SLC38A12: variants seen among roughly 807,000 people sequenced by gnomAD.
SLC38A12 encodes solute carrier family 38 member 12.
chr17:74,805,162 G>C, the SLC38A12 span, among the ~76,000 whole-genome samples: 60 of 152,376 alleles, frequency 3.9e-4, no homozygotes, highest in Middle Eastern at 3.4e-3. This position sits in a 1 kb window ranked among gnomAD's most constrained non-coding sequence, Gnocchi z 5.0. Flanking sequence ...GTCTCCCGGG[G>C]AGAGGCCTAC....
chr17:74,810,584 CT>C, the SLC38A12 span, among the ~76,000 whole-genome samples: 1,011 of 152,328 alleles, frequency 6.6e-3, 7 homozygotes, highest in Admixed American at 0.02. Flanking sequence ...AAGATTGGCA[CT>C]GTCTGTCATG....
At chr17:74,790,172 C>A in the SLC38A12 span, 2 of 1,583,092 alleles carry the variant, frequency 1.3e-6, no homozygotes, top group Non-Finnish European at 1.7e-6. Context: ...TTTCCTCCCT[C>A]CTCCTCGTCC....
chr17:74,791,096 C>G, the SLC38A12 span: 1 of 1,467,660 alleles, frequency 6.8e-7, no homozygotes, highest in Non-Finnish European at 9.5e-7. Flanking sequence ...TCCCTGCAGG[C>G]CTGCACCCTT....
At chr17:74,839,080 C>T in the SLC38A12 span, 1 of 1,535,334 alleles carries the variant, frequency 6.5e-7, no homozygotes, top group Non-Finnish European at 8.7e-7. Flanking sequence ...TCCCTCCCCA[C>T]AGAAGCACCA....
the SLC38A12 span, chr17:74,794,911 C>A: frequency 1.1e-6 from 1 of 943,790 alleles, no homozygotes; most frequent in Non-Finnish European, 1.6e-6. Flanking sequence ...GAACTGAAAG[C>A]TATGGGAGAG....
At chr17:74,819,010 C>G in the SLC38A12 span, among the ~76,000 whole-genome samples, 233 of 152,348 alleles carry the variant, frequency 1.5e-3, 2 homozygotes, top group African/African-American at 5.2e-3. Flanking sequence ...ACACTTTCCC[C>G]TGTTCTCCAA....
chr17:74,834,177 C>G, the SLC38A12 span, among the ~76,000 whole-genome samples: 1 of 152,130 alleles, frequency 6.6e-6, no homozygotes, highest in Non-Finnish European at 1.5e-5. Flanking sequence ...CTGGGCTGTC[C>G]CACAGGTGTC....
the SLC38A12 span, among the ~76,000 whole-genome samples, chr17:74,822,916 C>T: frequency 6.6e-6 from 1 of 152,226 alleles, no homozygotes; most frequent in African/African-American, 2.4e-5. Flanking sequence ...AAACTGGCAG[C>T]CCCTTTTGGG....
At chr17:74,814,116 A>G in the SLC38A12 span, among the ~76,000 whole-genome samples, 1 of 152,218 alleles carries the variant, frequency 6.6e-6, no homozygotes, top group South Asian at 2.1e-4. Flanking sequence ...ACTTTAGGTG[A>G]AGATGTCTTC....
the SLC38A12 span, among the ~76,000 whole-genome samples, chr17:74,784,547 G>A: frequency 6.6e-6 from 1 of 152,104 alleles, no homozygotes; most frequent in African/African-American, 2.4e-5. Flanking sequence ...TGTGCTTGGT[G>A]GAGCCTGCCG....
chr17:74,785,432 G>T, the SLC38A12 span: 1 of 1,592,522 alleles, frequency 6.3e-7, no homozygotes, highest in Non-Finnish European at 8.6e-7. Flanking sequence ...GCTGTTAAGG[G>T]GAGAAGTTGA....
the SLC38A12 span, chr17:74,795,642 T>C: frequency 6.2e-7 from 1 of 1,606,786 alleles, no homozygotes; most frequent in Non-Finnish European, 8.5e-7. Flanking sequence ...GGTGAGTGTC[T>C]GTGCCTCTGT....
the SLC38A12 span, among the ~76,000 whole-genome samples, chr17:74,820,866 G>C: frequency 1.3e-5 from 2 of 152,188 alleles, no homozygotes; most frequent in Non-Finnish European, 2.9e-5. Context: ...GGTCGCCGAG[G>C]ACACTTTCTG....
chr17:74,818,640 C>T, the SLC38A12 span, among the ~76,000 whole-genome samples: 2 of 152,178 alleles, frequency 1.3e-5, no homozygotes, highest in East Asian at 1.9e-4. Flanking sequence ...GGCCAGAGCC[C>T]GACTCCCCAA....
chr17:74,801,680 C>T, the SLC38A12 span, among the ~76,000 whole-genome samples: 2 of 152,182 alleles, frequency 1.3e-5, no homozygotes, highest in South Asian at 2.1e-4. Flanking sequence ...CCTGGGTGAA[C>T]TCTAACTTCA....
chr17:74,786,347 CACCTGGA>C, the SLC38A12 span, among the ~76,000 whole-genome samples: 1 of 65,996 alleles, frequency 1.5e-5, no homozygotes, highest in Non-Finnish European at 5.3e-5. Context: ...TGGGAAGGAG[CACCTGGA>C]AACACCTCCC....
the SLC38A12 span, among the ~76,000 whole-genome samples, chr17:74,808,140 G>C: frequency 6.6e-6 from 1 of 152,238 alleles, no homozygotes; most frequent in Non-Finnish European, 1.5e-5. Context: ...GCCCACACAG[G>C]CAGGCAGCTT....
the SLC38A12 span, chr17:74,819,687 TC>T: frequency 6.6e-7 from 1 of 1,509,844 alleles, no homozygotes; most frequent in Non-Finnish European, 9.2e-7. Context: ...AGCAGCGTCT[TC>T]CGTGTGCAGA....
the SLC38A12 span, among the ~76,000 whole-genome samples, chr17:74,781,821 C>T: frequency 6.6e-6 from 1 of 152,210 alleles, no homozygotes; most frequent in East Asian, 1.9e-4. Context: ...AAGGGCTCTT[C>T]GCAGTCTGAC....
Sources: gnomAD v4.1 joint callset for allele counts (sites outside exome capture counted in the v4.1 genomes callset) on GRCh38, gnomAD v4.1.1 for gene constraint, Gnocchi (gnomAD v3.1) non-coding constraint, MANE v1.5 for transcripts, NCBI Gene and HGNC (gene_info 2026-07-23, HGNC 2026-07-21) for gene names.